Variants in SND1 observed in about 807,000 individuals in gnomAD.
SND1 encodes the protein staphylococcal nuclease domain-containing protein 1.
A neutral mutation model predicts 121.7 loss-of-function variants in SND1; 38 were observed. The ratio of observed to expected loss-of-function variants is 0.31; its 90% CI spans 0.24 to 0.41. The LOEUF (loss-of-function observed/expected upper bound fraction) is 0.41, where lower values mean the gene tolerates loss of function less well. SND1 is among the 10% of genes least tolerant of loss of function. The probability of loss-of-function intolerance (pLI) is 1.00; values close to 1 mark genes in which losing one functional copy is unlikely to be tolerated. For missense variants in SND1, 868 were observed against 1,184.6 expected (o/e 0.73, Z 3.92); for synonymous variants, 401 against 447.4 (o/e 0.90, Z 1.31).
At chr7:127,926,766 T>TTGTTGC (rs1217536285) in intron 14 of SND1, among the ~76,000 whole-genome samples, 1 of 151,274 alleles carries the variant, frequency 6.6e-6, no homozygotes, top group Non-Finnish European at 1.5e-5. Flanking sequence ...GTTGTTGTTG[T>TTGTTGC]ACTTTTAGTA....
chr7:127,743,554 C>T (rs1352593282), intron 10 of SND1, among the ~76,000 whole-genome samples: 2 of 152,190 alleles, frequency 1.3e-5, no homozygotes, highest in African/African-American at 4.8e-5. Context: ...TCATTGTCAT[C>T]TTTATAACCT....
chr7:128,008,895 AAATGGAGCT>A (rs1803047910), intron 16 of SND1, among the ~76,000 whole-genome samples: 1 of 152,350 alleles, frequency 6.6e-6, no homozygotes, highest in African/African-American at 2.4e-5. Context: ...AAGCACAGCT[AAATGGAGCT>A]AAACATAGAC....
intron 15 of SND1, among the ~76,000 whole-genome samples, chr7:127,935,262 G>A (rs1361758216): frequency 6.6e-6 from 1 of 152,150 alleles, no homozygotes; most frequent in East Asian, 1.9e-4. Context: ...AAGCCAAAGG[G>A]TGAAGGTAAC....
At chr7:128,030,773 G>C in intron 16 of SND1, 1 of 1,180,634 alleles carries the variant, frequency 8.5e-7, no homozygotes. Flanking sequence ...GGCGATTAGA[G>C]AGACGGAGCG....
chr7:127,733,075 A>G (rs1796707744), intron 10 of SND1, among the ~76,000 whole-genome samples: 1 of 151,964 alleles, frequency 6.6e-6, no homozygotes, highest in Non-Finnish European at 1.5e-5. Flanking sequence ...TTTCACATCC[A>G]TCTTTAACTT....
At chr7:127,858,522 A>G (rs755327352) in intron 12 of SND1, 6 of 500,542 alleles carry the variant, frequency 1.2e-5, no homozygotes, top group Admixed American at 3.1e-5. Flanking sequence ...TACTTTGTTT[A>G]TGCAGTGCAG....
At chr7:127,834,361 A>C (rs944249301) in intron 11 of SND1, among the ~76,000 whole-genome samples, 2 of 152,312 alleles carry the variant, frequency 1.3e-5, no homozygotes, top group African/African-American at 2.4e-5. Flanking sequence ...ATTATCCTCC[A>C]CTGGTAACTG....
At chr7:127,773,955 G>A (rs1349775706) in intron 10 of SND1, among the ~76,000 whole-genome samples, 1 of 152,204 alleles carries the variant, frequency 6.6e-6, no homozygotes, top group South Asian at 2.1e-4. Flanking sequence ...TGGAGGTGAT[G>A]CTGGTGTAAA....
chr7:127,866,924 C>T (rs1332712836), intron 12 of SND1, among the ~76,000 whole-genome samples: 1 of 152,144 alleles, frequency 6.6e-6, no homozygotes, highest in African/African-American at 2.4e-5. Flanking sequence ...ACAGTTTCAC[C>T]TTCTTCTTTC....
rs772612507 is a variant in SND1, at chr7:127,897,689, T to C, written c.1455-7058T>C. Among the ~76,000 whole-genome samples the C allele has an allele frequency of 2.0e-5, 3 of 152,138 alleles. No homozygotes were observed. In the South Asian group the frequency reaches 6.2e-4, roughly 32 times the overall value. ...CCTAAGGAAGTAATTGGCAAGGTGC[T>C]TAGAAGTTATTCCTCATGGCATTAT... On this transcript the variant is annotated intron_variant, in intron 13 of 23. Transcript: ENST00000354725.
At chr7:127,871,937 C>T (rs1799596675) in intron 12 of SND1, among the ~76,000 whole-genome samples, 1 of 152,054 alleles carries the variant, frequency 6.6e-6, no homozygotes, top group Non-Finnish European at 1.5e-5. Context: ...GTGAGACCAA[C>T]CTGGGCAACA....
intron 14 of SND1, among the ~76,000 whole-genome samples, chr7:127,921,386 A>G (rs138403095): frequency 6.6e-6 from 1 of 152,268 alleles, no homozygotes; most frequent in African/African-American, 2.4e-5. Context: ...GTATTTTAAT[A>G]CACTAGTATT....
intron 2 of SND1, among the ~76,000 whole-genome samples, chr7:127,694,375 T>G (rs765436230): frequency 6.6e-6 from 1 of 152,184 alleles, no homozygotes; most frequent in Non-Finnish European, 1.5e-5. Context: ...GAGGTGGTAG[T>G]TGTTATTTAT....
chr7:128,032,773 T>C (rs570101287), intron 16 of SND1, among the ~76,000 whole-genome samples: 5 of 152,256 alleles, frequency 3.3e-5, no homozygotes, highest in Non-Finnish European at 7.4e-5. Flanking sequence ...CGGGCTTCGC[T>C]GCTGCACTGC....
chr7:127,830,844 T>C (rs776574653), intron 11 of SND1, among the ~76,000 whole-genome samples: 19 of 152,162 alleles, frequency 1.2e-4, no homozygotes, highest in Non-Finnish European at 2.1e-4. Flanking sequence ...TAGGAGTAGA[T>C]AACAAGCCCT....
intron 14 of SND1, among the ~76,000 whole-genome samples, chr7:127,908,607 G>T (rs543535073): frequency 1.2e-4 from 18 of 152,226 alleles, no homozygotes; most frequent in African/African-American, 4.3e-4. Flanking sequence ...CTGAGAATTT[G>T]ACCGACTTGG....
chr7:127,848,268 C>T (rs1799102568), intron 12 of SND1, among the ~76,000 whole-genome samples: 1 of 152,224 alleles, frequency 6.6e-6, no homozygotes, highest in Admixed American at 6.5e-5. Flanking sequence ...TAAATACACA[C>T]TCTTTGTGTG....
Position 128,074,537 on chromosome 7 carries a change from C to A in SND1, c.1815C>A (p.Gly605=). 6.2e-7 allele frequency: 1 copy of A among 1,613,628 alleles called. No homozygotes were observed. Among genetic ancestry groups the A allele is most frequent in the Non-Finnish European group, 8.5e-7 (1 of 1,179,698 alleles). ...EVEVESMDKA[G]NFIGWLHIDG... ...AGGTGGAGAGCATGGACAAGGCCGG[C>A]AACTTTATCGGCTGGCTGCACATCG... Residue 605 remains glycine (G), a synonymous_variant, in exon 17 of 24, where the codon GGC becomes GGA. Coordinates refer to ENST00000354725, the MANE Select transcript of SND1 (RefSeq NM_014390.4).
chr7:128,028,006 T>C (rs1803528853), intron 16 of SND1: 1 of 152,768 alleles, frequency 6.5e-6, no homozygotes, highest in African/African-American at 2.4e-5. Flanking sequence ...GTGTGTCCAG[T>C]GCACAGACCC....
Sources: allele counts gnomAD v4.1 joint callset (sites outside exome capture counted in the v4.1 genomes callset), GRCh38; gene constraint gnomAD v4.1.1; transcripts MANE v1.5; gene names NCBI Gene and HGNC (gene_info 2026-07-23, HGNC 2026-07-21).